ZSCAN25: variants seen among roughly 807,000 people sequenced by gnomAD.
The protein encoded by ZSCAN25 is zinc finger and SCAN domain-containing protein 25.
Under a neutral mutation model 38.7 loss-of-function variants are expected in ZSCAN25, and 27 were observed. That is an observed-to-expected ratio of 0.70 (90% CI 0.51 to 0.96). ZSCAN25 has a LOEUF of 0.96. ZSCAN25 is among the 40% of genes least tolerant of loss of function. The pLI is 0.00. For missense variants in ZSCAN25, 637 were observed against 705.9 expected (o/e 0.90, Z 1.11); for synonymous variants, 273 against 277.7 (o/e 0.98, Z 0.17).
intron 6 of ZSCAN25, among the ~76,000 whole-genome samples, chr7:99,623,653 T>G (rs1807199294): frequency 6.6e-6 from 1 of 152,218 alleles, no homozygotes; most frequent in Admixed American, 6.5e-5. Context: ...CATCAGTGCT[T>G]TTTAATTTGG....
chr7:99,630,103 G>A lies in ZSCAN25; in HGVS notation c.*83G>A. The A allele has an allele frequency of 6.9e-7, 1 of 1,441,390 alleles. No individual in the cohort carries two copies. The highest frequency in any genetic ancestry group is 9.1e-7 in the Non-Finnish European group (1 of 1,098,748). 89.3% of individuals were successfully genotyped at this position (1,441,390 alleles called of 1,614,324 possible). On this transcript the variant is annotated 3_prime_UTR_variant, in exon 8 of 8. Transcript: ENST00000394152. Reference sequence around the variant, plus strand: ...GGTGCAAGGTGATGGCTGCAGGAAAGCACTGGTCCCATCGCCTTCCCACCC... The same window carrying A: ...GGTGCAAGGTGATGGCTGCAGGAAAACACTGGTCCCATCGCCTTCCCACCC...
At chr7:99,689,612 A>G in the ZSCAN25 span, among the ~76,000 whole-genome samples, 2 of 152,210 alleles carry the variant, frequency 1.3e-5, no homozygotes, top group African/African-American at 4.8e-5. Flanking sequence ...AAGTCTCAGG[A>G]TACAAAATCA....
the ZSCAN25 span, among the ~76,000 whole-genome samples, chr7:99,690,779 A>G: frequency 6.6e-6 from 1 of 152,218 alleles, no homozygotes; most frequent in South Asian, 2.1e-4. Context: ...TGATCATTAA[A>G]AAGTCAGAAA....
chr7:99,676,312 T>C, the ZSCAN25 span: 1 of 1,580,194 alleles, frequency 6.3e-7, no homozygotes. Context: ...GGAGGTAATA[T>C]GTACACGATA....
chr7:99,621,082 T>G, intron 4 of ZSCAN25: 1 of 251,024 alleles, frequency 4.0e-6, no homozygotes, highest in Non-Finnish European at 7.5e-6. Flanking sequence ...AGTGAGTATA[T>G]TGTGTTAAAA....
At chr7:99,699,858 C>T in the ZSCAN25 span, 87 of 741,542 alleles carry the variant, frequency 1.2e-4, no homozygotes, top group African/African-American at 1.2e-3. Flanking sequence ...GAAGCTACTC[C>T]TCCTTGAACA....
chr7:99,665,407 C>A, the ZSCAN25 span: 1 of 1,508,384 alleles, frequency 6.6e-7, no homozygotes, highest in African/African-American at 1.4e-5. Context: ...CCAGTCAAGA[C>A]ACATAAAGAG....
At position 99,632,348 on chromosome 7, in the gene ZSCAN25, A is replaced by G. The variant is rs1174886217; in HGVS notation, c.*2328A>G. 3.0e-6 allele frequency: 2 copies of G among 660,904 alleles called. No individual in the cohort carries two copies. The highest frequency in any genetic ancestry group is 2.7e-4 in the East Asian group (2 of 7,378). 40.9% of individuals were successfully genotyped at this position (660,904 alleles called of 1,614,324 possible). A position where few individuals can be genotyped will look rare whatever the true frequency, so the allele number is the denominator to read the frequency against. On this transcript the variant is annotated 3_prime_UTR_variant, in exon 8 of 8. Transcript: ENST00000394152. Reference sequence around the variant, plus strand: ...TTTTATAATAGATAATTTCAAACCTATATAAATAAATCCTTATGTATTTAT... The same window carrying G: ...TTTTATAATAGATAATTTCAAACCTGTATAAATAAATCCTTATGTATTTAT...
At chr7:99,726,778 T>G in the ZSCAN25 span, among the ~76,000 whole-genome samples, 1 of 152,200 alleles carries the variant, frequency 6.6e-6, no homozygotes, top group Non-Finnish European at 1.5e-5. Context: ...CAAGATACCC[T>G]CCTGCTCCTT....
chr7:99,668,153 A>G, the ZSCAN25 span, among the ~76,000 whole-genome samples: 3 of 152,248 alleles, frequency 2.0e-5, no homozygotes, highest in Non-Finnish European at 2.9e-5. Context: ...CAATATCTGA[A>G]AATACAAGAA....
At chr7:99,707,052 G>C in the ZSCAN25 span, among the ~76,000 whole-genome samples, 1 of 152,196 alleles carries the variant, frequency 6.6e-6, no homozygotes, top group Non-Finnish European at 1.5e-5. Flanking sequence ...CCCTGGACTA[G>C]GTCAAGAAGA....
the ZSCAN25 span, among the ~76,000 whole-genome samples, chr7:99,686,659 T>G: frequency 6.6e-6 from 1 of 152,102 alleles, no homozygotes; most frequent in Non-Finnish European, 1.5e-5. Flanking sequence ...AAGAGAGTAG[T>G]CATTCTCCCA....
At chr7:99,664,907 A>G in the ZSCAN25 span, among the ~76,000 whole-genome samples, 1 of 152,222 alleles carries the variant, frequency 6.6e-6, no homozygotes. Flanking sequence ...AGAATAGGCA[A>G]ATCTATAGAG....
At chr7:99,650,329 C>G in the ZSCAN25 span, 5 of 1,117,008 alleles carry the variant, frequency 4.5e-6, no homozygotes, top group Non-Finnish European at 6.6e-6. Context: ...CCCTCCACCT[C>G]CCAACCAGTA....
Position 99,624,079 on chromosome 7 carries a change from T to C in ZSCAN25, c.704T>C (p.Met235Thr), listed in dbSNP as rs139037011. Residue 235 changes from methionine (M) to threonine (T), a missense_variant, in exon 7 of 8, where the codon ATG (methionine) becomes ACG (threonine). Transcript: ENST00000394152. ...GSQGLGPFKD[M>T]ALAFPEEEWR... ...CAGGGGTTGGGGCCATTTAAAGATA[T>C]GGCCCTGGCCTTCCCTGAGGAGGAG... 36 of 1,614,056 alleles carry C rather than the reference T, an allele frequency of 2.2e-5. No homozygotes were observed. Among genetic ancestry groups the C allele is most frequent in the East Asian group, 2.2e-4 (10 of 44,906 alleles).
the ZSCAN25 span, among the ~76,000 whole-genome samples, chr7:99,661,277 C>T: frequency 1.3e-5 from 2 of 152,188 alleles, no homozygotes; most frequent in African/African-American, 4.8e-5. Flanking sequence ...ACCCCACCAT[C>T]GAACTACTGA....
At chr7:99,624,630 G>A (rs1013728445) in intron 7 of ZSCAN25, 6 of 182,642 alleles carry the variant, frequency 3.3e-5, no homozygotes, top group Non-Finnish European at 3.5e-5. Flanking sequence ...CGGTGTGCAC[G>A]TAGGAGGGCA....
chr7:99,698,959 G>A, the ZSCAN25 span, among the ~76,000 whole-genome samples: 1 of 152,198 alleles, frequency 6.6e-6, no homozygotes, highest in Non-Finnish European at 1.5e-5. Context: ...GTTGTTGCCT[G>A]CTCTTAAAAG....
At chr7:99,694,867 A>G in the ZSCAN25 span, among the ~76,000 whole-genome samples, 200 of 152,332 alleles carry the variant, frequency 1.3e-3, no homozygotes, top group African/African-American at 4.4e-3. Flanking sequence ...CAAAGGCTCG[A>G]CCAAAGTTCA....
Sources: gnomAD v4.1 joint callset for allele counts (sites outside exome capture counted in the v4.1 genomes callset) on GRCh38, gnomAD v4.1.1 for gene constraint, MANE v1.5 for transcripts, NCBI Gene and HGNC (gene_info 2026-07-23, HGNC 2026-07-21) for gene names.